SPEF2: variants seen among roughly 807,000 people sequenced by gnomAD.
SPEF2 encodes the protein sperm flagella and cilia-associated protein 2.
A neutral mutation model predicts 224.6 loss-of-function variants in SPEF2; 187 were observed. That is an observed-to-expected ratio of 0.83 (90% CI 0.74 to 0.94). The LOEUF (loss-of-function observed/expected upper bound fraction) is 0.94, where lower values mean the gene tolerates loss of function less well. SPEF2 is among the 40% of genes least tolerant of loss of function. The pLI is 0.00. For missense variants in SPEF2, 2,170 were observed against 2,135.6 expected (o/e 1.02, Z -0.32); for synonymous variants, 715 against 707.3 (o/e 1.01, Z -0.17).
At chr5:35,792,555 G>A in intron 31 of SPEF2, 109 bp downstream of exon 31, 1 of 800,990 alleles carries the variant, frequency 1.2e-6, no homozygotes. Context: ...CATTTAGTAG[G>A]CAATCAATGA....
chr5:35,636,994 A>G (rs1561109148), intron 2 of SPEF2, among the ~76,000 whole-genome samples: 2 of 151,566 alleles, frequency 1.3e-5, no homozygotes, highest in South Asian at 2.1e-4. Context: ...AAAAAAAAGA[A>G]AAAAGAAAAG....
intron 10 of SPEF2, among the ~76,000 whole-genome samples, chr5:35,678,067 A>G (rs1752270791): frequency 1.3e-5 from 2 of 152,236 alleles, no homozygotes; most frequent in Non-Finnish European, 2.9e-5. Flanking sequence ...GACCGTGGCC[A>G]GTGTAAATTT....
chr5:35,786,517 G>A (rs1313357350), intron 30 of SPEF2, among the ~76,000 whole-genome samples: 3 of 152,084 alleles, frequency 2.0e-5, no homozygotes, highest in East Asian at 1.9e-4. Flanking sequence ...AAAATTAGCC[G>A]GGCGTGGTGG....
intron 33 of SPEF2, among the ~76,000 whole-genome samples, chr5:35,798,320 T>C (rs1050069954): frequency 6.6e-6 from 1 of 152,120 alleles, no homozygotes; most frequent in African/African-American, 2.4e-5. Context: ...CCTCCTGCCA[T>C]GCTCCCTTTG....
intron 15 of SPEF2, chr5:35,698,856 T>G (rs1239401710): frequency 6.6e-6 from 1 of 152,228 alleles, no homozygotes; most frequent in Non-Finnish European, 1.5e-5. Context: ...AAGGTAGCCC[T>G]CACCTCCCCC....
At chr5:35,676,643 C>T (rs1214512040) in intron 10 of SPEF2, among the ~76,000 whole-genome samples, 1 of 152,038 alleles carries the variant, frequency 6.6e-6, no homozygotes, top group East Asian at 1.9e-4. Context: ...GCACAAGAAT[C>T]CCTTGAACCC....
intron 19 of SPEF2, chr5:35,709,454 T>C: frequency 9.7e-7 from 1 of 1,034,332 alleles, no homozygotes; most frequent in Non-Finnish European, 1.2e-6. Context: ...TGCTGAACTA[T>C]AGAGTTACAT....
chr5:35,673,150 A>AGTTATTTATT (rs1751420759), intron 10 of SPEF2, among the ~76,000 whole-genome samples: 1 of 152,150 alleles, frequency 6.6e-6, no homozygotes, highest in Non-Finnish European at 1.5e-5. Flanking sequence ...ACAGCATAAC[A>AGTTATTTATT]ACATTGAGTT....
chr5:35,674,337 C>CTTTTTTTT (rs35129181), intron 10 of SPEF2, among the ~76,000 whole-genome samples: 7 of 94,444 alleles, frequency 7.4e-5, no homozygotes, highest in Non-Finnish European at 1.4e-4. Flanking sequence ...TTTTCGTCTT[C>CTTTTTTTT]TTTTTTTTTT....
chr5:35,751,096 C>CACATATATATATAT (rs1554048857), intron 23 of SPEF2, among the ~76,000 whole-genome samples: 5 of 30,614 alleles, frequency 1.6e-4, no homozygotes, highest in South Asian at 1.5e-3. Flanking sequence ...CACACACACA[C>CACATATATATATAT]ATATATATAT....
intron 26 of SPEF2, among the ~76,000 whole-genome samples, chr5:35,764,148 T>C (rs7717371): frequency 0.021 from 3,208 of 152,258 alleles, 127 homozygotes; most frequent in African/African-American, 0.074. Context: ...CTACTAATTT[T>C]AACATGTAAG....
chr5:35,700,984 C>A (rs1738504323), intron 16 of SPEF2, among the ~76,000 whole-genome samples: 1 of 152,138 alleles, frequency 6.6e-6, no homozygotes, highest in African/African-American at 2.4e-5. Flanking sequence ...TCTCACTGAA[C>A]CTTTCCATCA....
chr5:35,674,483 C>G (rs1003217813), intron 10 of SPEF2, among the ~76,000 whole-genome samples: 1 of 149,980 alleles, frequency 6.7e-6, no homozygotes, highest in East Asian at 2.0e-4. Flanking sequence ...CCCATTAACT[C>G]GTCATTTAAC....
intron 27 of SPEF2, 25 bp from the exon 28 acceptor site, chr5:35,773,868 T>G: frequency 6.2e-7 from 1 of 1,604,188 alleles, no homozygotes; most frequent in South Asian, 1.1e-5. Flanking sequence ...GTTAGTTTAC[T>G]CAGCATGTTT....
intron 8 of SPEF2, among the ~76,000 whole-genome samples, chr5:35,662,650 A>G (rs1234330223): frequency 6.6e-6 from 1 of 152,178 alleles, no homozygotes; most frequent in Non-Finnish European, 1.5e-5. Flanking sequence ...GCATATAGGT[A>G]GCCAGTTATC....
chr5:35,810,122 A>G (rs1476713021), intron 36 of SPEF2, among the ~76,000 whole-genome samples: 1 of 152,194 alleles, frequency 6.6e-6, no homozygotes, highest in Non-Finnish European at 1.5e-5. Flanking sequence ...GCTTGAGAAA[A>G]GAAAATAGCC....
intron 10 of SPEF2, among the ~76,000 whole-genome samples, chr5:35,677,255 T>C (rs1752156369): frequency 6.6e-6 from 1 of 152,180 alleles, no homozygotes; most frequent in African/African-American, 2.4e-5. Flanking sequence ...TAGATACTTC[T>C]GGAAACATTC....
At chr5:35,792,307 C>G (rs1312193372) in intron 30 of SPEF2, 33 bp from the exon 31 acceptor site, 3 of 1,560,240 alleles carry the variant, frequency 1.9e-6, no homozygotes, top group Admixed American at 3.5e-5. Flanking sequence ...ATCACCTAAA[C>G]CAAGTGACAA....
rs907160118 is a variant in SPEF2 at position 35,806,928 on chromosome 5, A to G, written c.5232A>G (p.Leu1744=). Residue 1744 remains leucine (L), a synonymous_variant, in exon 35 of 37, where the codon CTA becomes CTG. Coordinates refer to ENST00000356031, the MANE Select transcript of SPEF2 (RefSeq NM_024867.4). Reference sequence around the variant, plus strand: ...ACTCCAATAGATTTGCCAGCCACCTAAAGATAGAGAACATTTATGCAGAGG... The same window carrying G: ...ACTCCAATAGATTTGCCAGCCACCTGAAGATAGAGAACATTTATGCAGAGG... ...AQDSNRFASH[L]KIENIYAEGF... 6 of 1,610,078 alleles carry G rather than the reference A, an allele frequency of 3.7e-6. No individual in the cohort carries two copies. Among genetic ancestry groups the G allele is most frequent in the Non-Finnish European group, 5.1e-6 (6 of 1,178,708 alleles).
Sources: allele counts gnomAD v4.1 joint callset (sites outside exome capture counted in the v4.1 genomes callset), GRCh38; gene constraint gnomAD v4.1.1; transcripts MANE v1.5; gene names NCBI Gene and HGNC (gene_info 2026-07-23, HGNC 2026-07-21).